Variants in PRAG1 observed in about 807,000 individuals in gnomAD.
The protein encoded by PRAG1 is inactive tyrosine-protein kinase PRAG1.
In PRAG1, 110 loss-of-function variants were observed where a neutral mutation model predicts 95.6. The ratio of observed to expected loss-of-function variants is 1.15; its 90% CI spans 0.99 to 1.35. PRAG1 has a LOEUF of 1.35. PRAG1 is among the 40% of genes most tolerant of loss of function. The pLI, the probability that PRAG1 is intolerant of heterozygous loss-of-function variation, is 0.00. For missense variants in PRAG1, 2,554 were observed against 1,864.7 expected, an observed-to-expected ratio of 1.37 and a Z score of -6.81; for synonymous variants, 1,052 against 819.4, an observed-to-expected ratio of 1.28 and a Z score of -4.85.
intron 1 of PRAG1, among the ~76,000 whole-genome samples, chr8:8,385,267 T>C (rs1204727673): frequency 6.6e-6 from 1 of 152,128 alleles, no homozygotes; most frequent in Non-Finnish European, 1.5e-5. Context: ...AAGGAGAAAG[T>C]GACAACTTTA....
intron 1 of PRAG1, among the ~76,000 whole-genome samples, chr8:8,384,114 C>G (rs1333365556): frequency 6.6e-6 from 1 of 152,214 alleles, no homozygotes; most frequent in Non-Finnish European, 1.5e-5. Context: ...CCTCCTGACA[C>G]TGGGCTATCT....
At position 8,377,055 on chromosome 8, in the gene PRAG1, C is replaced by T. The variant is rs376701367; in HGVS notation, c.1354G>A (p.Ala452Thr). 4.3e-6 allele frequency: 7 copies of T among 1,613,868 alleles called. No individual in the cohort carries two copies. Among genetic ancestry groups the T allele is most frequent in the Non-Finnish European group, 5.9e-6 (7 of 1,180,034 alleles). Residue 452 changes from alanine (A) to threonine (T), a missense_variant, in exon 3 of 6, where the codon GCC (alanine) becomes ACC (threonine). Ala to Thr is a moderately conservative substitution (Grantham distance 58). Coordinates refer to ENST00000615670, the MANE Select transcript of PRAG1 (RefSeq NM_001080826.3). ...CCCCAGCCAGATGCTGCTTTCTGGG[C>T]CCAGGCATTACCTGTGCATACCTGG... ...QGQVCTGNAW[A>T]QKAASGWGRD...
rs199942248 is a variant in PRAG1 at position 8,384,078 on chromosome 8, T to TGTGGGCTCTGC, written c.-88+2232_-88+2242dup. 8.2e-3 allele frequency among the ~76,000 whole-genome samples: 1,254 copies of TGTGGGCTCTGC among 152,292 alleles called. 20 individuals carry two copies. The highest frequency in any genetic ancestry group is 0.029 in the African/African-American group (1,191 of 41,560). On this transcript the variant is annotated intron_variant, in intron 1 of 5. Transcript: ENST00000615670. ...GAAGACAGTTTGGAAACCAGCTCTG[T>TGTGGGCTCTGC]GTGGGCTCTGCAAGTTCCCACAGCT...
At chr8:8,372,507 T>C (rs947432318) in intron 3 of PRAG1, among the ~76,000 whole-genome samples, 2 of 152,202 alleles carry the variant, frequency 1.3e-5, no homozygotes, top group African/African-American at 4.8e-5. Flanking sequence ...TTTGTGGGTA[T>C]AAAAGCTTGC....
intron 1 of PRAG1, among the ~76,000 whole-genome samples, chr8:8,385,296 C>A (rs1800811529): frequency 6.6e-6 from 1 of 152,200 alleles, no homozygotes; most frequent in Admixed American, 6.5e-5. Context: ...TAGCCCCCTG[C>A]CTCCCTACTC....
intron 3 of PRAG1, among the ~76,000 whole-genome samples, chr8:8,353,491 A>G (rs1356391470): frequency 6.6e-6 from 1 of 152,224 alleles, no homozygotes; most frequent in Admixed American, 6.5e-5. Flanking sequence ...GAAATTAAAA[A>G]ATTATCTTGA....
Position 8,333,934 on chromosome 8 carries a change from C to T in PRAG1, c.2321-5473G>A, listed in dbSNP as rs112443029. ...GGTGAGAAAACTAAAGCCATCTGCA[C>T]GGGCACCTTGCCAATATCACCCAGG... On this transcript the variant is annotated intron_variant, in intron 4 of 5. Coordinates refer to ENST00000615670, the MANE Select transcript of PRAG1 (RefSeq NM_001080826.3). 9.0e-3 allele frequency among the ~76,000 whole-genome samples: 1,369 copies of T among 152,328 alleles called. 24 individuals carry two copies. The highest frequency in any genetic ancestry group is 0.032 in the African/African-American group (1,315 of 41,578).
At chr8:8,344,329 G>T (rs975680632) in intron 3 of PRAG1, among the ~76,000 whole-genome samples, 1 of 152,180 alleles carries the variant, frequency 6.6e-6, no homozygotes, top group Non-Finnish European at 1.5e-5. Flanking sequence ...GTAGCAATAT[G>T]AAGAAATATT....
At chr8:8,379,687 C>G (rs761964745) in intron 2 of PRAG1, among the ~76,000 whole-genome samples, 2 of 152,224 alleles carry the variant, frequency 1.3e-5, no homozygotes, top group Non-Finnish European at 2.9e-5. Flanking sequence ...AGAGGTCAAA[C>G]AGGTAGCAAG....
At chr8:8,341,812 A>C (rs921568928) in intron 3 of PRAG1, among the ~76,000 whole-genome samples, 1 of 152,192 alleles carries the variant, frequency 6.6e-6, no homozygotes, top group African/African-American at 2.4e-5. Context: ...GTCCTTGTCC[A>C]ATTTGGATAT....
chr8:8,325,844 T>G (rs1421143374), intron 5 of PRAG1, among the ~76,000 whole-genome samples: 4 of 146,014 alleles, frequency 2.7e-5, no homozygotes, highest in Non-Finnish European at 6.1e-5. Flanking sequence ...ACCCAGGAGA[T>G]GGAGGTTGCA....
chr8:8,320,207 C>T (rs1233257966), intron 5 of PRAG1, among the ~76,000 whole-genome samples: 1 of 152,204 alleles, frequency 6.6e-6, no homozygotes, highest in East Asian at 1.9e-4. Context: ...TTCCCACATA[C>T]TTTTCCTTCA....
intron 4 of PRAG1, among the ~76,000 whole-genome samples, chr8:8,335,491 G>C (rs1798956538): frequency 6.6e-6 from 1 of 152,058 alleles, no homozygotes; most frequent in African/African-American, 2.4e-5. Flanking sequence ...AGCTGGGATG[G>C]GGTGTCAGAA....
intron 3 of PRAG1, among the ~76,000 whole-genome samples, chr8:8,365,397 G>A (rs543588423): frequency 2.0e-5 from 3 of 152,204 alleles, no homozygotes; most frequent in East Asian, 3.9e-4. Context: ...GCCAAAGCAG[G>A]TGGATCACCT....
chr8:8,345,564 G>A (rs184671077), intron 3 of PRAG1, among the ~76,000 whole-genome samples: 1 of 152,064 alleles, frequency 6.6e-6, no homozygotes, highest in Non-Finnish European at 1.5e-5. Context: ...GCAGAGGCGG[G>A]TGGATCACTT....
chr8:8,363,463 T>C (rs953548947), intron 3 of PRAG1, among the ~76,000 whole-genome samples: 4 of 152,074 alleles, frequency 2.6e-5, no homozygotes, highest in Non-Finnish European at 5.9e-5. Context: ...AACAAGCAAA[T>C]GACAAAAAGA....
chr8:8,377,913 T>C lies in PRAG1; in HGVS notation c.496A>G (p.Asn166Asp), dbSNP rs1800483739. 1 of 1,613,926 alleles carries C rather than the reference T, an allele frequency of 6.2e-7. No homozygotes were observed. The highest frequency in any genetic ancestry group is 1.3e-5 in the African/African-American group (1 of 74,906). ...TTCCTCTCGCCGCGGGGCTCAAGGTTGTGCAGGCCGACCATGGTGTAAGCT... is the reference window on the plus strand; with the variant it reads ...TTCCTCTCGCCGCGGGGCTCAAGGTCGTGCAGGCCGACCATGGTGTAAGCT... ...PPAYTMVGLH[N>D]LEPRGERNIA... The change falls in exon 3 of 6, where the codon AAC (asparagine) becomes GAC (aspartate). Residue 166 changes from asparagine to aspartate, a missense_variant. Asn to Asp is a conservative substitution (Grantham distance 23). Transcript: ENST00000615670.
chr8:8,320,852 AG>A (rs747674478), intron 5 of PRAG1, among the ~76,000 whole-genome samples: 9 of 152,258 alleles, frequency 5.9e-5, no homozygotes, highest in Non-Finnish European at 1.0e-4. Flanking sequence ...AGCTATGCAA[AG>A]CTTCTCAGCA....
intron 3 of PRAG1, among the ~76,000 whole-genome samples, chr8:8,372,660 C>A (rs1041553408): frequency 2.6e-5 from 4 of 152,188 alleles, no homozygotes; most frequent in Non-Finnish European, 5.9e-5. Flanking sequence ...GCAGGGCACT[C>A]CAGCAAGAGG....
Sources: allele counts gnomAD v4.1 joint callset (sites outside exome capture counted in the v4.1 genomes callset), GRCh38; gene constraint gnomAD v4.1.1; transcripts MANE v1.5; gene names NCBI Gene and HGNC (gene_info 2026-07-23, HGNC 2026-07-21).